The following LRP1B variants were observed in gnomAD, a reference collection of about 807,000 sequenced individuals.
LRP1B encodes the protein LDL receptor related protein 1B, also known as low-density lipoprotein receptor-related protein 1B.
In LRP1B, 217 loss-of-function variants were observed where a neutral mutation model predicts 556.6. The observed-to-expected ratio is 0.39, with a 90% CI of 0.35 to 0.44. The LOEUF (loss-of-function observed/expected upper bound fraction) is 0.44. Among genes scored for constraint, LRP1B ranks in the 20% least tolerant of loss-of-function variants. The pLI, the probability that LRP1B is intolerant of heterozygous loss-of-function variation, is 1.00. For synonymous variants in LRP1B, 2,047 were observed against 1,865.8 expected (o/e 1.10, Z -2.50); for missense variants, 5,053 against 5,620.8 (o/e 0.90, Z 3.23).
chr2:141,026,867 G>C (rs1397043965), intron 11 of LRP1B, among the ~76,000 whole-genome samples: 1 of 152,044 alleles, frequency 6.6e-6, no homozygotes, highest in Non-Finnish European at 1.5e-5. Flanking sequence ...ACAAAACCAT[G>C]AAGTTTAACT....
intron 7 of LRP1B, among the ~76,000 whole-genome samples, chr2:141,172,007 A>C (rs1447381391): frequency 2.0e-5 from 3 of 152,128 alleles, no homozygotes; most frequent in Non-Finnish European, 2.9e-5. Context: ...GAAAAGAAAA[A>C]AGATAGGTAA....
chr2:140,630,746 C>A (rs1472347597), intron 41 of LRP1B, among the ~76,000 whole-genome samples: 1 of 152,142 alleles, frequency 6.6e-6, no homozygotes, highest in African/African-American at 2.4e-5. Context: ...TTCTCAATTA[C>A]AAAGAACTTA....
At chr2:140,921,415 T>C (rs1694733764) in intron 21 of LRP1B, among the ~76,000 whole-genome samples, 1 of 152,008 alleles carries the variant, frequency 6.6e-6, no homozygotes, top group Non-Finnish European at 1.5e-5. Flanking sequence ...TGCCAGAAGT[T>C]ATATGGAGAA....
At chr2:141,821,516 C>A (rs1296358792) in intron 1 of LRP1B, among the ~76,000 whole-genome samples, 1 of 152,090 alleles carries the variant, frequency 6.6e-6, no homozygotes, top group Non-Finnish European at 1.5e-5. Flanking sequence ...AAGCACATGA[C>A]AGAATTTTAT....
At chr2:141,331,906 G>A (rs188917733) in intron 3 of LRP1B, among the ~76,000 whole-genome samples, 29 of 152,172 alleles carry the variant, frequency 1.9e-4, no homozygotes, top group Admixed American at 1.6e-3. Context: ...GCTACTTGTA[G>A]CTTCCTAGAA....
intron 41 of LRP1B, among the ~76,000 whole-genome samples, chr2:140,653,390 A>T (rs1305027581): frequency 1.3e-5 from 2 of 152,100 alleles, no homozygotes; most frequent in Non-Finnish European, 2.9e-5. Flanking sequence ...TAAGTACTAT[A>T]AGCAAAGGAG....
chr2:141,502,141 C>A (rs1012130235), intron 2 of LRP1B, among the ~76,000 whole-genome samples: 2 of 152,098 alleles, frequency 1.3e-5, no homozygotes, highest in Non-Finnish European at 2.9e-5. Context: ...GAGTCCATTT[C>A]GAAATACTCA....
intron 77 of LRP1B, among the ~76,000 whole-genome samples, chr2:140,344,077 T>C (rs1260142897): frequency 6.6e-6 from 1 of 151,786 alleles, no homozygotes; most frequent in Non-Finnish European, 1.5e-5. Context: ...GTAGAGCTTA[T>C]TTTATGACAA....
At chr2:140,861,811 G>A (rs918953177) in intron 27 of LRP1B, among the ~76,000 whole-genome samples, 8 of 152,174 alleles carry the variant, frequency 5.3e-5, no homozygotes, top group South Asian at 2.1e-4. Flanking sequence ...ATGCATTTAT[G>A]TCTTTATTTT....
chr2:140,824,418 A>G (rs1209160613), intron 31 of LRP1B, among the ~76,000 whole-genome samples: 2 of 152,222 alleles, frequency 1.3e-5, no homozygotes, highest in African/African-American at 2.4e-5. Flanking sequence ...AGATTTGTCA[A>G]TAAGTAGATG....
chr2:140,320,898 C>A (rs977722942), intron 82 of LRP1B, among the ~76,000 whole-genome samples: 3 of 151,886 alleles, frequency 2.0e-5, no homozygotes, highest in African/African-American at 7.3e-5. Context: ...CACACACACA[C>A]ACACAAAATT....
At chr2:142,020,402 C>T (rs557860072) in intron 1 of LRP1B, among the ~76,000 whole-genome samples, 2 of 152,252 alleles carry the variant, frequency 1.3e-5, no homozygotes, top group East Asian at 1.9e-4. Context: ...GGACCTTGAA[C>T]ACTGAGGAGC....
intron 2 of LRP1B, among the ~76,000 whole-genome samples, chr2:141,500,291 C>G (rs544830389): frequency 6.6e-6 from 1 of 152,224 alleles, no homozygotes; most frequent in East Asian, 1.9e-4. Context: ...ATTTATCAGC[C>G]TTTGTTAAAA....
At chr2:141,556,260 A>G (rs4597458) in intron 2 of LRP1B, among the ~76,000 whole-genome samples, 1 of 151,918 alleles carries the variant, frequency 6.6e-6, no homozygotes, top group Admixed American at 6.6e-5. Flanking sequence ...TGAAGCACTG[A>G]CACTGAACTA....
At chr2:141,450,934 A>C (rs78249980) in intron 3 of LRP1B, among the ~76,000 whole-genome samples, 1,706 of 152,300 alleles carry the variant, frequency 0.011, 31 homozygotes, top group African/African-American at 0.039. Context: ...ATCCAACAAA[A>C]CATGCTCCTA....
chr2:141,644,793 C>CAA (rs1689491148), intron 2 of LRP1B, among the ~76,000 whole-genome samples: 1 of 151,106 alleles, frequency 6.6e-6, no homozygotes. Flanking sequence ...ACAACACACA[C>CAA]ACACACAGGA....
At chr2:141,567,225 A>G (rs1024730072) in intron 2 of LRP1B, among the ~76,000 whole-genome samples, 1 of 152,146 alleles carries the variant, frequency 6.6e-6, no homozygotes, top group Non-Finnish European at 1.5e-5. Flanking sequence ...CCATGTTTCT[A>G]ATTACTTTAG....
chr2:141,614,110 A>AAAAAAAAAAAAAAAAAAAAAAAAAAAT (rs1688211658), intron 2 of LRP1B, among the ~76,000 whole-genome samples: 1 of 150,732 alleles, frequency 6.6e-6, no homozygotes, highest in African/African-American at 2.4e-5. Flanking sequence ...AAGAAAGAAA[A>AAAAAAAAAAAAAAAAAAAAAAAAAAAT]TGTTTACTTT....
chr2:141,098,004 C>G (rs571638436), intron 7 of LRP1B, among the ~76,000 whole-genome samples: 5 of 152,100 alleles, frequency 3.3e-5, no homozygotes, highest in Non-Finnish European at 5.9e-5. Context: ...TGGCCTCAAG[C>G]AGACAATACA....
Sources: allele counts gnomAD v4.1 joint callset (sites outside exome capture counted in the v4.1 genomes callset), GRCh38; gene constraint gnomAD v4.1.1; transcripts MANE v1.5; gene names NCBI Gene and HGNC (gene_info 2026-07-23, HGNC 2026-07-21).